The following IL1RAPL2 variants were observed in gnomAD, a reference collection of about 807,000 sequenced individuals.
IL1RAPL2 encodes the protein interleukin 1 receptor accessory protein like 2.
In IL1RAPL2, 3 loss-of-function variants were observed where a neutral mutation model predicts 44.1. The ratio of observed to expected loss-of-function variants is 0.07; its 90% CI spans 0.03 to 0.18. IL1RAPL2 has a LOEUF of 0.18. IL1RAPL2 is among the 10% of genes least tolerant of loss of function. The pLI, the probability that IL1RAPL2 is intolerant of heterozygous loss-of-function variation, is 1.00. For missense variants in IL1RAPL2, 391 were observed against 496.4 expected (o/e 0.79, Z 2.02); for synonymous variants, 181 against 178.8 (o/e 1.01, Z -0.10).
chrX:104,672,488 G>C (rs755586393), intron 2 of IL1RAPL2, among the ~76,000 whole-genome samples: 11 of 107,238 alleles, frequency 1.0e-4, no homozygotes, highest in African/African-American at 3.7e-4. Context: ...TCTTAATCCA[G>C]TCTATCATTG....
At chrX:105,257,336 G>A (rs911861439) in intron 4 of IL1RAPL2, among the ~76,000 whole-genome samples, 14 of 111,926 alleles carry the variant, frequency 1.3e-4, no homozygotes, top group African/African-American at 4.6e-4. Flanking sequence ...TACATTTGTT[G>A]AGGATTGTTT....
At chrX:104,929,354 C>T (rs1924844202) in intron 2 of IL1RAPL2, among the ~76,000 whole-genome samples, 1 of 111,848 alleles carries the variant, frequency 8.9e-6, no homozygotes, top group South Asian at 3.8e-4. Context: ...TCTGCAATCA[C>T]ACTGCGGGGG....
chrX:105,277,133 G>C (rs1181200652), intron 5 of IL1RAPL2, among the ~76,000 whole-genome samples: 1 of 112,029 alleles, frequency 8.9e-6, no homozygotes, highest in Admixed American at 9.5e-5. Flanking sequence ...AAGCACTGAA[G>C]GGAACAAATC....
intron 1 of IL1RAPL2, among the ~76,000 whole-genome samples, chrX:104,641,045 C>A (rs779394830): frequency 8.9e-6 from 1 of 111,978 alleles, no homozygotes; most frequent in East Asian, 2.8e-4. Context: ...GGCCCCTGAG[C>A]CACAGACAAG....
In IL1RAPL2 at chrX:105,083,413, G is replaced by A. The variant is rs529147759; in HGVS notation, c.83-112062G>A. Among the ~76,000 whole-genome samples the A allele has an allele frequency of 9.0e-5, 10 of 111,668 alleles. No individual in the cohort carries two copies. In the East Asian group the frequency reaches 2.8e-3, roughly 32 times the overall value. ...TATCCAGGAGAACTTCCCCAACCTA[G>A]CAAGACAGGCCAACATTCAAATTCA... On this transcript the variant is annotated intron_variant, in intron 2 of 10. Coordinates refer to ENST00000372582, the MANE Select transcript of IL1RAPL2 (RefSeq NM_017416.2).
intron 2 of IL1RAPL2, among the ~76,000 whole-genome samples, chrX:104,759,320 T>A (rs759332283): frequency 8.9e-6 from 1 of 111,899 alleles, no homozygotes; most frequent in East Asian, 2.8e-4. Flanking sequence ...CTTACATACT[T>A]GTTCTGATGG....
At chrX:105,102,352 T>C (rs1166980680) in intron 2 of IL1RAPL2, among the ~76,000 whole-genome samples, 1 of 111,894 alleles carries the variant, frequency 8.9e-6, no homozygotes, top group African/African-American at 3.3e-5. Context: ...TGATTCTGAC[T>C]CTACCCTCCC....
intron 2 of IL1RAPL2, among the ~76,000 whole-genome samples, chrX:104,700,655 A>C (rs1931259594): frequency 9.0e-6 from 1 of 111,417 alleles, no homozygotes; most frequent in Admixed American, 9.5e-5. Flanking sequence ...TGGCTTCCTG[A>C]GGGTTAAGAA....
rs768250341 is a variant in IL1RAPL2, at chrX:104,778,627, T to C, written c.82+119632T>C. ...AACAGTAGTGCTATGAATATGGGTG[T>C]ACAGATATCTCTTTGAGACTCTGCT... On this transcript the variant is annotated intron_variant, in intron 2 of 10. Transcript: ENST00000372582. Among the ~76,000 whole-genome samples the C allele has an allele frequency of 3.0e-3, 316 of 103,641 alleles. 4 individuals carry two copies. The highest frequency in any genetic ancestry group is 0.02 in the Middle Eastern group (4 of 201). 90.0% of individuals were successfully genotyped at this position (103,641 alleles called of 115,157 possible).
intron 2 of IL1RAPL2, among the ~76,000 whole-genome samples, chrX:104,846,841 C>T (rs1351876366): frequency 8.9e-6 from 1 of 111,994 alleles, no homozygotes; most frequent in South Asian, 3.7e-4. Context: ...TATTTCTCCA[C>T]AACCTCTCCA....
chrX:105,524,451 C>T (rs1224285751), intron 6 of IL1RAPL2, among the ~76,000 whole-genome samples: 7 of 110,117 alleles, frequency 6.4e-5, no homozygotes, highest in East Asian at 2.8e-4. Flanking sequence ...CAGTTATTCT[C>T]GGCAGATTAA....
intron 2 of IL1RAPL2, among the ~76,000 whole-genome samples, chrX:105,108,949 C>A (rs1239415212): frequency 9.0e-6 from 1 of 111,678 alleles, no homozygotes; most frequent in East Asian, 2.8e-4. Flanking sequence ...TATCTCTGAC[C>A]TCATCTTGTA....
intron 5 of IL1RAPL2, among the ~76,000 whole-genome samples, chrX:105,309,624 C>T (rs1395223606): frequency 2.8e-5 from 3 of 107,642 alleles, no homozygotes; most frequent in Non-Finnish European, 5.7e-5. Context: ...CCCAGCTACT[C>T]GGGAGGCTGA....
chrX:105,019,020 C>T (rs911162121), intron 2 of IL1RAPL2, among the ~76,000 whole-genome samples: 1 of 111,674 alleles, frequency 9.0e-6, no homozygotes, highest in Non-Finnish European at 1.9e-5. Context: ...TGCCAGTCAT[C>T]TTTATCACAG....
rs567389653 is a variant in IL1RAPL2 at position 104,944,021 on chromosome X, T to C, written c.83-251454T>C. ...TCCTCATGTGTGGAAGTAGCTGATG[T>C]GGATTTACCAAAACAAACAAACGAA... is the stretch of plus-strand genomic sequence containing the variant. On this transcript the variant is annotated intron_variant, in intron 2 of 10. Transcript: ENST00000372582. 1.9e-4 allele frequency among the ~76,000 whole-genome samples: 21 copies of C among 111,810 alleles called. No individual in the cohort carries two copies. The South Asian group carries it at 7.9e-3, about 42-fold the overall frequency.
intron 2 of IL1RAPL2, among the ~76,000 whole-genome samples, chrX:104,731,132 G>A (rs1187291529): frequency 3.6e-5 from 4 of 110,814 alleles, no homozygotes; most frequent in Admixed American, 9.6e-5. Flanking sequence ...TTTGTCAGAT[G>A]AGTAGGTTGC....
chrX:105,306,061 A>G (rs1449557228), intron 5 of IL1RAPL2, among the ~76,000 whole-genome samples: 1 of 111,754 alleles, frequency 8.9e-6, no homozygotes, highest in African/African-American at 3.3e-5. Flanking sequence ...AGCATGATAC[A>G]AGAAACACCT....
At chrX:105,203,153 C>A (rs1181317412) in intron 3 of IL1RAPL2, among the ~76,000 whole-genome samples, 1 of 112,273 alleles carries the variant, frequency 8.9e-6, no homozygotes, top group African/African-American at 3.2e-5. Context: ...GATGAACTGG[C>A]CTTGCTTCTA....
chrX:105,628,993 A>C (rs781016995), intron 6 of IL1RAPL2, among the ~76,000 whole-genome samples: 1 of 111,730 alleles, frequency 9.0e-6, no homozygotes, highest in Non-Finnish European at 1.9e-5. Context: ...GGAAGTTTAC[A>C]TGTCTGTGGA....
Sources: gnomAD v4.1 joint callset for allele counts (sites outside exome capture counted in the v4.1 genomes callset) on GRCh38, gnomAD v4.1.1 for gene constraint, MANE v1.5 for transcripts, NCBI Gene and HGNC (gene_info 2026-07-23, HGNC 2026-07-21) for gene names.